Variants in PCBP3 observed in about 807,000 individuals in gnomAD.
The protein encoded by PCBP3 is poly(rC) binding protein 3.
Under a neutral mutation model 52.7 loss-of-function variants are expected in PCBP3, and 25 were observed. That is an observed-to-expected ratio of 0.47 (90% CI 0.35 to 0.66). The LOEUF (loss-of-function observed/expected upper bound fraction) is 0.66. Ranked by LOEUF, PCBP3 falls within the 30% of genes least tolerant of loss-of-function variation. PCBP3 has a pLI of 0.01. For synonymous variants in PCBP3, 162 were observed against 183.0 expected, an observed-to-expected ratio of 0.89 and a Z score of 0.93; for missense variants, 391 against 490.3, an observed-to-expected ratio of 0.80 and a Z score of 1.91.
In PCBP3 at chr21:45,886,193, C is replaced by G. The variant is rs9984434; in HGVS notation, c.11-10015C>G. 2.1e-4 allele frequency among the ~76,000 whole-genome samples: 16 copies of G among 77,778 alleles called. 1 individual carries two copies. The highest frequency in any genetic ancestry group is 1.3e-3 in the East Asian group (3 of 2,360). 51.0% of individuals were successfully genotyped at this position (77,778 alleles called of 152,430 possible). ...TGCCGCGGGTGCCAAGGGCAGAGGA[C>G]GTGGTGAGGTGTGGAGGCCTCATTG... On this transcript the variant is annotated intron_variant, in intron 5 of 17. Transcript: ENST00000681687.
At chr21:45,815,202 T>C (rs1200405510) in intron 4 of PCBP3, among the ~76,000 whole-genome samples, 1 of 82,060 alleles carries the variant, frequency 1.2e-5, no homozygotes, top group African/African-American at 5.1e-5. Flanking sequence ...GAGTGGTGAG[T>C]GAGTGATGAG....
intron 3 of PCBP3, among the ~76,000 whole-genome samples, chr21:45,744,894 T>G (rs971845195): frequency 5.9e-5 from 9 of 152,244 alleles, no homozygotes; most frequent in African/African-American, 2.2e-4. Flanking sequence ...TCTTTTGTTG[T>G]TAAGTTTCTA....
At chr21:45,868,698 C>T (rs956685108) in intron 5 of PCBP3, among the ~76,000 whole-genome samples, 1 of 152,220 alleles carries the variant, frequency 6.6e-6, no homozygotes, top group Non-Finnish European at 1.5e-5. Flanking sequence ...TCCACATCCC[C>T]GTTGCACGTC....
chr21:45,883,190 C>T (rs1213722714), intron 5 of PCBP3, among the ~76,000 whole-genome samples: 1 of 152,184 alleles, frequency 6.6e-6, no homozygotes, highest in Non-Finnish European at 1.5e-5. Flanking sequence ...TTTCCAAGTG[C>T]TTGGAACTTT....
chr21:45,802,378 C>T lies in PCBP3; in HGVS notation c.-126+46926C>T, dbSNP rs1470683976. ...TCTTTCAAGACAGCCCTGATGGCAT[C>T]ACCTCCCTTCACTCGCCTCTTCTTA... On this transcript the variant is annotated intron_variant, in intron 4 of 17. Transcript: ENST00000681687. This position sits in a 1 kb window ranked among gnomAD's most constrained non-coding sequence, Gnocchi z 5.1. Among the ~76,000 whole-genome samples the T allele has an allele frequency of 6.6e-6, 1 of 152,162 alleles. No homozygotes were observed. Among genetic ancestry groups the T allele is most frequent in the Non-Finnish European group, 1.5e-5 (1 of 68,022 alleles).
At chr21:45,645,178 T>C (rs1261842680) in intron 1 of PCBP3, among the ~76,000 whole-genome samples, 1 of 152,008 alleles carries the variant, frequency 6.6e-6, no homozygotes, top group Non-Finnish European at 1.5e-5. Context: ...TCAGAAAACA[T>C]GGGGCCTTAA....
At chr21:45,647,473 G>T (rs555373044) in intron 1 of PCBP3, among the ~76,000 whole-genome samples, 1 of 152,202 alleles carries the variant, frequency 6.6e-6, no homozygotes, top group Non-Finnish European at 1.5e-5. Context: ...CCAGGCAAAC[G>T]TGTTGAGGGG....
chr21:45,818,404 C>T (rs1015406340), intron 4 of PCBP3, among the ~76,000 whole-genome samples: 30 of 152,294 alleles, frequency 2.0e-4, no homozygotes, highest in African/African-American at 7.0e-4. Flanking sequence ...TCCAGTGACA[C>T]GTGTCCCTGT....
In PCBP3 at chr21:45,796,620, G is replaced by C. The variant is rs142500029; in HGVS notation, c.-126+41168G>C. Among the ~76,000 whole-genome samples, 539 of 151,668 alleles carry C rather than the reference G, an allele frequency of 3.6e-3. 3 individuals carry two copies. Among genetic ancestry groups the C allele is most frequent in the African/African-American group, 0.012 (483 of 41,362 alleles). ...TCTTTCTATTCCCACATATTTTCTA[G>C]TTCTGTGACCTCAGTTGTTTAGTTT... On this transcript the variant is annotated intron_variant, in intron 4 of 17. Coordinates refer to ENST00000681687, the MANE Select transcript of PCBP3 (RefSeq NM_001384156.1).
intron 4 of PCBP3, among the ~76,000 whole-genome samples, chr21:45,840,299 T>G (rs1166560572): frequency 1.3e-5 from 2 of 150,618 alleles, no homozygotes; most frequent in African/African-American, 4.9e-5. Context: ...AAAAAAAAAT[T>G]TTAAAAAATT....
chr21:45,765,776 G>A (rs993447192), intron 4 of PCBP3, among the ~76,000 whole-genome samples: 1 of 152,222 alleles, frequency 6.6e-6, no homozygotes, highest in Admixed American at 6.5e-5. Context: ...TGGAGTAACT[G>A]TGGATGATGT....
intron 4 of PCBP3, among the ~76,000 whole-genome samples, chr21:45,803,943 G>A (rs2092401022): frequency 6.6e-6 from 1 of 152,190 alleles, no homozygotes; most frequent in Non-Finnish European, 1.5e-5. Context: ...CCCTCGCTGA[G>A]ATGAAGGACG....
At chr21:45,937,610 T>C (rs2077013220) in intron 16 of PCBP3, among the ~76,000 whole-genome samples, 1 of 152,204 alleles carries the variant, frequency 6.6e-6, no homozygotes, top group African/African-American at 2.4e-5. Flanking sequence ...TTTCAGAATA[T>C]TTCTATCGTT....
At chr21:45,866,177 C>A (rs1324839366) in intron 5 of PCBP3, among the ~76,000 whole-genome samples, 1 of 152,236 alleles carries the variant, frequency 6.6e-6, no homozygotes, top group African/African-American at 2.4e-5. Flanking sequence ...TCTGTAAATT[C>A]TCAGCTTTCC....
Position 45,805,363 on chromosome 21 carries a change from A to G in PCBP3, c.-125-44598A>G, listed in dbSNP as rs1365217881. Among the ~76,000 whole-genome samples the G allele has an allele frequency of 6.6e-6, 1 of 151,856 alleles. No homozygotes were observed. The highest frequency in any genetic ancestry group is 1.5e-5 in the Non-Finnish European group (1 of 67,968). ...AGATTATGGGTGGGTGTGACTGGTA[A>G]CAAGCAGGGGTTTGGCACCCCCCTT... On this transcript the variant is annotated intron_variant, in intron 4 of 17. Transcript: ENST00000681687. This position sits in a 1 kb window ranked among gnomAD's most constrained non-coding sequence, Gnocchi z 4.6.
rs2093149130 is a variant in PCBP3 at position 45,821,835 on chromosome 21, C to T, written c.-125-28126C>T. Among the ~76,000 whole-genome samples, 2 of 152,220 alleles carry T rather than the reference C, an allele frequency of 1.3e-5. No homozygotes were observed. Among genetic ancestry groups the T allele is most frequent in the African/African-American group, 4.8e-5 (2 of 41,456 alleles). The stretch of plus-strand genomic sequence containing the variant: ...CAGAGCCCAGCCCTGGCCCTTCGAG[C>T]TTCCGTCCTGCAAGCACCGGCAGTG... On this transcript the variant is annotated intron_variant, in intron 4 of 17. Coordinates refer to ENST00000681687, the MANE Select transcript of PCBP3 (RefSeq NM_001384156.1). This position sits in a 1 kb window ranked among gnomAD's most constrained non-coding sequence, Gnocchi z 4.4.
intron 5 of PCBP3, among the ~76,000 whole-genome samples, chr21:45,883,835 C>A (rs1187090752): frequency 1.3e-5 from 2 of 152,194 alleles, no homozygotes; most frequent in South Asian, 2.1e-4. Flanking sequence ...ATCCACTCTG[C>A]CCATCTGTGC....
chr21:45,810,302 C>T (rs546935177), intron 4 of PCBP3, among the ~76,000 whole-genome samples: 6 of 151,838 alleles, frequency 4.0e-5, no homozygotes, highest in East Asian at 1.9e-4. Context: ...TGCAGTGGCA[C>T]GATCTCAGCT....
rs1377734731 is a variant in PCBP3, at chr21:45,652,853, A to C, written c.-279+8985A>C. On this transcript the variant is annotated intron_variant, in intron 1 of 17. Transcript: ENST00000681687. The stretch of plus-strand genomic sequence containing the variant: ...CTTTTCTAATCTGAGATGAATGCTT[A>C]ATTTATTAATTTGCAGCTTTTCCTT... 3.3e-5 allele frequency among the ~76,000 whole-genome samples: 5 copies of C among 152,110 alleles called. No homozygotes were observed. The East Asian group carries it at 9.6e-4, about 29-fold the overall frequency.
Sources: allele counts gnomAD v4.1 joint callset (sites outside exome capture counted in the v4.1 genomes callset), GRCh38; gene constraint gnomAD v4.1.1; non-coding constraint Gnocchi (gnomAD v3.1); transcripts MANE v1.5; gene names NCBI Gene and HGNC (gene_info 2026-07-23, HGNC 2026-07-21).